LPIN1: variants seen among roughly 807,000 people sequenced by gnomAD.
LPIN1 encodes the protein lipin 1, also known as phosphatidate phosphatase LPIN1.
In LPIN1, 71 loss-of-function variants were observed where a neutral mutation model predicts 107.5. That is an observed-to-expected ratio of 0.66 (90% CI 0.55 to 0.80). LPIN1 has a LOEUF of 0.80. LPIN1 is among the 30% of genes least tolerant of loss of function. The pLI, the probability that LPIN1 is intolerant of heterozygous loss-of-function variation, is 0.00. For synonymous variants in LPIN1, 445 were observed against 452.6 expected (o/e 0.98, Z 0.21); for missense variants, 1,043 against 1,160.6 (o/e 0.90, Z 1.47).
At chr2:11,763,643 A>G (rs1558835843) in intron 1 of LPIN1, among the ~76,000 whole-genome samples, 1 of 151,950 alleles carries the variant, frequency 6.6e-6, no homozygotes, top group Non-Finnish European at 1.5e-5. Context: ...CTTGGATCAA[A>G]GTGTCATTTT....
chr2:11,770,534 C>T (rs1041324016), intron 3 of LPIN1, among the ~76,000 whole-genome samples: 3 of 152,198 alleles, frequency 2.0e-5, no homozygotes, highest in Non-Finnish European at 4.4e-5. Context: ...CACTCCCTTC[C>T]AGCCTCAGCT....
chr2:11,816,767 CT>C (rs1039966247), intron 18 of LPIN1: 18 of 139,450 alleles, frequency 1.3e-4, no homozygotes, highest in African/African-American at 4.5e-4. Flanking sequence ...TTTAATTTTA[CT>C]TTAAGTTCTG....
intron 14 of LPIN1, among the ~76,000 whole-genome samples, chr2:11,801,155 G>A (rs1677662167): frequency 6.6e-6 from 1 of 152,210 alleles, no homozygotes; most frequent in African/African-American, 2.4e-5. Context: ...CACTGTTGGT[G>A]GGAATGTGAA....
In LPIN1 at chr2:11,786,781, G is replaced by A. The variant is rs926768851; in HGVS notation, c.1550-293G>A. ...TAGCCATGACTCTGCCTGTGCAGAT[G>A]CACGTGTGTGCTGTTTTCACCCCTA... On this transcript the variant is annotated intron_variant, in intron 10 of 20. Coordinates refer to ENST00000674199, the MANE Select transcript of LPIN1 (RefSeq NM_001349206.2). This position sits in a 1 kb window ranked among gnomAD's most constrained non-coding sequence, Gnocchi z 4.1. Among the ~76,000 whole-genome samples the A allele has an allele frequency of 6.6e-6, 1 of 152,222 alleles. No individual in the cohort carries two copies. Among genetic ancestry groups the A allele is most frequent in the Non-Finnish European group, 1.5e-5 (1 of 68,040 alleles).
chr2:11,749,520 G>C (rs1667470554), intron 1 of LPIN1, among the ~76,000 whole-genome samples: 1 of 152,182 alleles, frequency 6.6e-6, no homozygotes, highest in Non-Finnish European at 1.5e-5. Flanking sequence ...GCCCTTAGCA[G>C]CTGGGGTTGG....
chr2:11,771,692 C>A lies in LPIN1; in HGVS notation c.596+13C>A. ...TGGAGAGCAGCAGGTAATAACTGTC[C>A]AGGGTGGAGGGGCTGTGCCAGAATC... On this transcript the variant is annotated intron_variant, in intron 4 of 20. Transcript: ENST00000674199. This position sits in a 1 kb window ranked among gnomAD's most constrained non-coding sequence, Gnocchi z 4.8. 6.3e-7 allele frequency: 1 copy of A among 1,578,230 alleles called. No homozygotes were observed.
At chr2:11,742,793 T>C (rs1666506027), upstream of LPIN1, among the ~76,000 whole-genome samples, 1 of 152,274 alleles carries the variant, frequency 6.6e-6, no homozygotes, top group Admixed American at 6.5e-5. Flanking sequence ...CCCCTCTGGC[T>C]TCATCCAGTG....
At chr2:11,776,763 C>T (rs1014463907) in intron 6 of LPIN1, among the ~76,000 whole-genome samples, 3 of 152,152 alleles carry the variant, frequency 2.0e-5, no homozygotes, top group African/African-American at 4.8e-5. Context: ...TGTGTTCACT[C>T]GATGTAGTCA....
intron 13 of LPIN1, among the ~76,000 whole-genome samples, chr2:11,794,003 A>G (rs1676234399): frequency 6.6e-6 from 1 of 152,196 alleles, no homozygotes; most frequent in South Asian, 2.1e-4. Flanking sequence ...GGTTATTTTA[A>G]TCATAAACTG....
intron 4 of LPIN1, among the ~76,000 whole-genome samples, chr2:11,772,026 G>T (rs1208630237): frequency 6.6e-6 from 1 of 152,180 alleles, no homozygotes; most frequent in African/African-American, 2.4e-5. Flanking sequence ...CATCTTGGGG[G>T]TGATGGGTGA....
At chr2:11,678,308 A>C (rs960948832) in intron 1 of LPIN1, among the ~76,000 whole-genome samples, 4 of 152,232 alleles carry the variant, frequency 2.6e-5, no homozygotes, top group African/African-American at 9.6e-5. Flanking sequence ...TTCACAAAAA[A>C]GCCCAAAGCA....
chr2:11,695,490 C>T (rs974062459), intron 1 of LPIN1, among the ~76,000 whole-genome samples: 4 of 151,984 alleles, frequency 2.6e-5, no homozygotes, highest in Non-Finnish European at 5.9e-5. Context: ...AGGAGCTCAG[C>T]ATGGCTGGAA....
intron 2 of LPIN1, among the ~76,000 whole-genome samples, chr2:11,718,582 T>G (rs1663908174): frequency 6.6e-6 from 1 of 152,218 alleles, no homozygotes; most frequent in Non-Finnish European, 1.5e-5. Context: ...TTGGGTTGAA[T>G]TTAGAATTTG....
exon 2 of LPIN1, chr2:11,741,361 C>T (rs1377036622): frequency 3.0e-5 from 46 of 1,548,008 alleles, no homozygotes; most frequent in South Asian, 8.4e-5. Flanking sequence ...AACTCTGAAG[C>T]GTGAGCTGCC....
chr2:11,807,046 C>T (rs1356315705), intron 17 of LPIN1, among the ~76,000 whole-genome samples: 1 of 152,128 alleles, frequency 6.6e-6, no homozygotes, highest in Non-Finnish European at 1.5e-5. Context: ...ACTTTTTCCC[C>T]TATTGCCAAC....
At chr2:11,746,429 T>A (rs947934965), upstream of LPIN1, among the ~76,000 whole-genome samples, 14 of 151,984 alleles carry the variant, frequency 9.2e-5, 1 homozygote, top group African/African-American at 2.9e-4. Context: ...AAAGGCGGCC[T>A]AAGGGGCCCC....
chr2:11,763,370 A>G, intron 1 of LPIN1: 1 of 153,328 alleles, frequency 6.5e-6, no homozygotes, highest in Non-Finnish European at 1.5e-5. Flanking sequence ...AGAGCCGGGC[A>G]GAGTGGACAG....
intron 20 of LPIN1, among the ~76,000 whole-genome samples, chr2:11,820,984 G>A (rs1221263735): frequency 6.6e-6 from 1 of 152,130 alleles, no homozygotes; most frequent in African/African-American, 2.4e-5. Flanking sequence ...TTTCTGAGTC[G>A]GTGGGCTAAA....
chr2:11,779,276 TCTC>T (rs888271971), intron 6 of LPIN1, among the ~76,000 whole-genome samples: 1 of 152,166 alleles, frequency 6.6e-6, no homozygotes, highest in African/African-American at 2.4e-5. Flanking sequence ...CACTTCTTTT[TCTC>T]CTCTCCCCCG....
Sources: gnomAD v4.1 joint callset for allele counts (sites outside exome capture counted in the v4.1 genomes callset) on GRCh38, gnomAD v4.1.1 for gene constraint, Gnocchi (gnomAD v3.1) non-coding constraint, MANE v1.5 for transcripts, NCBI Gene and HGNC (gene_info 2026-07-23, HGNC 2026-07-21) for gene names.